DCAF10: variants seen among roughly 807,000 people sequenced by gnomAD.
DCAF10 encodes the protein DDB1 and CUL4 associated factor 10.
A neutral mutation model predicts 51.9 loss-of-function variants in DCAF10; 19 were observed. The ratio of observed to expected loss-of-function variants is 0.37; its 90% CI spans 0.26 to 0.54. DCAF10 has a LOEUF of 0.54. Ranked by LOEUF, DCAF10 falls within the 20% of genes least tolerant of loss-of-function variation. The probability of loss-of-function intolerance (pLI) is 0.87; values close to 1 mark genes in which losing one functional copy is unlikely to be tolerated. For synonymous variants in DCAF10, 291 were observed against 297.1 expected, an observed-to-expected ratio of 0.98 and a Z score of 0.21; for missense variants, 510 against 730.6, an observed-to-expected ratio of 0.70 and a Z score of 3.48.
At chr9:37,831,600 C>A (rs1830008505) in intron 2 of DCAF10, among the ~76,000 whole-genome samples, 1 of 151,966 alleles carries the variant, frequency 6.6e-6, no homozygotes, top group South Asian at 2.1e-4. Flanking sequence ...TAGTTCATTT[C>A]TTAGTTTTGT....
At chr9:37,823,576 A>G (rs1386653534) in intron 2 of DCAF10, among the ~76,000 whole-genome samples, 1 of 148,416 alleles carries the variant, frequency 6.7e-6, no homozygotes, top group East Asian at 1.9e-4. Context: ...TATTAAGAGA[A>G]AAGAATTTAG....
chr9:37,837,853 A>G (rs1459142963), intron 2 of DCAF10, among the ~76,000 whole-genome samples: 1 of 151,852 alleles, frequency 6.6e-6, no homozygotes, highest in Non-Finnish European at 1.5e-5. Context: ...GTCAAAAAAA[A>G]AAAAAAGAAT....
At chr9:37,800,577 C>T, upstream of DCAF10, 1 of 1,536,092 alleles carries the variant, frequency 6.5e-7, no homozygotes, top group Non-Finnish European at 8.7e-7. Context: ...CACGCGGCCA[C>T]CGGTCACTGA....
intron 5 of DCAF10, among the ~76,000 whole-genome samples, chr9:37,859,396 G>GCCT (rs1830948783): frequency 6.6e-6 from 1 of 152,162 alleles, no homozygotes; most frequent in Non-Finnish European, 1.5e-5. Flanking sequence ...TATTAACAGT[G>GCCT]CCTTACTCCA....
At chr9:37,850,826 T>TTTTATATATA (rs1328675062) in intron 3 of DCAF10, among the ~76,000 whole-genome samples, 1 of 45,872 alleles carries the variant, frequency 2.2e-5, no homozygotes, top group Non-Finnish European at 5.0e-5. Context: ...AGGATATATT[T>TTTTATATATA]TATATATATA....
At position 37,862,103 on chromosome 9, in the gene DCAF10, A is replaced by T. The variant is rs1160545692; in HGVS notation, c.*595A>T. 1 of 152,618 alleles carries T rather than the reference A, an allele frequency of 6.6e-6. No individual in the cohort carries two copies. 9.5% of individuals were successfully genotyped at this position (152,618 alleles called of 1,614,324 possible). A position where few individuals can be genotyped will look rare whatever the true frequency, so the allele number is the denominator to read the frequency against. ...ATTGTTAAGATAGTCTTGCAACAAA[A>T]TGTCTTTTAAGTTTCCTGTTAAAAT... On this transcript the variant is annotated 3_prime_UTR_variant, in exon 7 of 7. Coordinates refer to ENST00000377724, the MANE Select transcript of DCAF10 (RefSeq NM_024345.5).
chr9:37,856,544 G>C (rs922368818), intron 4 of DCAF10, among the ~76,000 whole-genome samples: 3 of 152,186 alleles, frequency 2.0e-5, no homozygotes, highest in Admixed American at 2.0e-4. Context: ...GGGACCACTA[G>C]CAAAATGTGA....
chr9:37,841,944 A>G (rs1227593224), intron 2 of DCAF10, 145 bp from the exon 3 acceptor site: 4 of 632,976 alleles, frequency 6.3e-6, no homozygotes, highest in South Asian at 2.4e-5. Context: ...TTTTTATAGT[A>G]TATCAGTCAT....
chr9:37,859,925 A>T, intron 5 of DCAF10, 123 bp from the exon 6 acceptor site: 1 of 1,165,626 alleles, frequency 8.6e-7, no homozygotes. Flanking sequence ...AACATATGGT[A>T]GCATAAGGGG....
intron 3 of DCAF10, among the ~76,000 whole-genome samples, chr9:37,849,874 C>T (rs1830583395): frequency 6.6e-6 from 1 of 151,918 alleles, no homozygotes; most frequent in Non-Finnish European, 1.5e-5. Flanking sequence ...TGCAAGACTC[C>T]ATCTCAACAA....
chr9:37,847,496 G>A (rs899652303), intron 3 of DCAF10, among the ~76,000 whole-genome samples: 2 of 152,080 alleles, frequency 1.3e-5, no homozygotes, highest in Non-Finnish European at 2.9e-5. Flanking sequence ...AAAAGCACTT[G>A]ACAAAATCTC....
At chr9:37,857,200 G>T in intron 4 of DCAF10, 41 bp from the exon 5 acceptor site, 1 of 1,468,720 alleles carries the variant, frequency 6.8e-7, no homozygotes, top group Non-Finnish European at 9.2e-7. Context: ...CACTACCAGA[G>T]TTATGCTAGG....
chr9:37,857,200 G>A (rs1830873757), intron 4 of DCAF10, 41 bp from the exon 5 acceptor site: 1 of 1,468,602 alleles, frequency 6.8e-7, no homozygotes, highest in South Asian at 1.2e-5. Context: ...CACTACCAGA[G>A]TTATGCTAGG....
chr9:37,832,798 A>AATT (rs1314409308), intron 2 of DCAF10, among the ~76,000 whole-genome samples: 1 of 152,210 alleles, frequency 6.6e-6, no homozygotes, highest in Non-Finnish European at 1.5e-5. Flanking sequence ...ACTAAGGAAA[A>AATT]AGGCTCTTGG....
chr9:37,808,696 T>C (rs1187135729), intron 1 of DCAF10, among the ~76,000 whole-genome samples: 1 of 1,320 alleles, frequency 7.6e-4, no homozygotes, highest in Non-Finnish European at 1.8e-3. Flanking sequence ...AATATATATT[T>C]ATATATTTAT....
chr9:37,844,605 T>C lies in DCAF10; in HGVS notation c.851+2319T>C, dbSNP rs146013493. Among the ~76,000 whole-genome samples the C allele has an allele frequency of 8.4e-3, 1,283 of 152,196 alleles. 19 individuals carry two copies. The highest frequency in any genetic ancestry group is 0.029 in the African/African-American group (1,220 of 41,530). ...GGTAGAGGTTGCCGTGAGCCGAGGT[T>C]GTGCCACTGTACTCCAGCCTGGGCC... On this transcript the variant is annotated intron_variant, in intron 3 of 6. Transcript: ENST00000377724.
intron 5 of DCAF10, chr9:37,858,457 C>T (rs544880333): frequency 6.6e-6 from 1 of 152,256 alleles, no homozygotes; most frequent in East Asian, 1.9e-4. Context: ...ACTACACCAT[C>T]CACAAGAAAA....
chr9:37,846,222 C>G (rs1221488362), intron 3 of DCAF10, among the ~76,000 whole-genome samples: 1 of 151,884 alleles, frequency 6.6e-6, no homozygotes, highest in Non-Finnish European at 1.5e-5. Flanking sequence ...ATATAATTAC[C>G]CACATTAACA....
intron 1 of DCAF10, among the ~76,000 whole-genome samples, chr9:37,803,475 C>G (rs969319676): frequency 6.6e-6 from 1 of 151,728 alleles, no homozygotes; most frequent in Admixed American, 6.6e-5. Context: ...ATTTTTATAT[C>G]TATTGTTAAA....
Sources: gnomAD v4.1 joint callset for allele counts (sites outside exome capture counted in the v4.1 genomes callset) on GRCh38, gnomAD v4.1.1 for gene constraint, MANE v1.5 for transcripts, NCBI Gene and HGNC (gene_info 2026-07-23, HGNC 2026-07-21) for gene names.